The following MAPRE2 variants were observed in gnomAD, a reference collection of about 807,000 sequenced individuals.
MAPRE2 encodes the protein microtubule-associated protein RP/EB family member 2.
Under a neutral mutation model 43.2 loss-of-function variants are expected in MAPRE2, and 13 were observed. The observed-to-expected ratio is 0.30, with a 90% CI of 0.20 to 0.48. The LOEUF is 0.48. Among genes scored for constraint, MAPRE2 ranks in the 20% least tolerant of loss-of-function variants. The pLI is 0.99. For missense variants in MAPRE2, 161 were observed against 400.2 expected (o/e 0.40, Z 5.10); for synonymous variants, 135 against 148.8 (o/e 0.91, Z 0.68).
intron 4 of MAPRE2, among the ~76,000 whole-genome samples, chr18:35,119,253 G>C (rs1909562581): frequency 6.6e-6 from 1 of 152,162 alleles, no homozygotes; most frequent in Non-Finnish European, 1.5e-5. Context: ...CCATGGGTCT[G>C]AGTTGAAAAA....
chr18:35,083,843 AT>A (rs1276120268), intron 2 of MAPRE2, among the ~76,000 whole-genome samples: 1 of 152,198 alleles, frequency 6.6e-6, no homozygotes, highest in African/African-American at 2.4e-5. Context: ...TTTAATAAAA[AT>A]GTTGATACCT....
intron 3 of MAPRE2, among the ~76,000 whole-genome samples, chr18:35,100,121 T>G (rs761338878): frequency 6.6e-6 from 1 of 152,130 alleles, no homozygotes; most frequent in East Asian, 1.9e-4. Flanking sequence ...ATTCACACAC[T>G]CACACACACA....
At chr18:34,987,624 T>G (rs1314725588) in intron 1 of MAPRE2, among the ~76,000 whole-genome samples, 2 of 152,174 alleles carry the variant, frequency 1.3e-5, no homozygotes, top group Admixed American at 1.3e-4. Context: ...TGGCCATTTA[T>G]AATATTATGA....
rs993612373 is a variant in MAPRE2 at position 35,041,433 on chromosome 18, G to C, written c.-107G>C. 1.9e-6 allele frequency: 3 copies of C among 1,578,962 alleles called. No homozygotes were observed. The highest frequency in any genetic ancestry group is 8.6e-7 in the Non-Finnish European group (1 of 1,162,046). ...GCTGGGAGAAGGCAGTGAGCGAGCA[G>C]GCGGCAGGCACGGTCCGTGCGGAGC... On this transcript the variant is annotated 5_prime_UTR_variant, in exon 1 of 7. Coordinates refer to ENST00000300249, the MANE Select transcript of MAPRE2 (RefSeq NM_014268.4).
intron 2 of MAPRE2, among the ~76,000 whole-genome samples, chr18:35,079,573 T>C (rs986435058): frequency 6.6e-6 from 1 of 152,186 alleles, no homozygotes; most frequent in Non-Finnish European, 1.5e-5. Flanking sequence ...TCCTGAACTT[T>C]TTCCATATAG....
At chr18:34,991,731 C>A (rs146802581) in intron 1 of MAPRE2, among the ~76,000 whole-genome samples, 95 of 152,210 alleles carry the variant, frequency 6.2e-4, no homozygotes, top group African/African-American at 2.2e-3. Flanking sequence ...TTTGCCCAGA[C>A]CTGGGACCTT....
At chr18:35,126,228 A>G (rs116822608) in intron 4 of MAPRE2, among the ~76,000 whole-genome samples, 208 of 152,272 alleles carry the variant, frequency 1.4e-3, no homozygotes, top group African/African-American at 4.8e-3. Flanking sequence ...AAATGAAGCT[A>G]TTGTTCTTCC....
rs1165086951 is a variant in MAPRE2, at chr18:35,041,420, C to A, written c.-120C>A. The A allele has an allele frequency of 1.9e-6, 3 of 1,563,078 alleles. No homozygotes were observed. In the East Asian group the frequency reaches 6.8e-5, roughly 35 times the overall value. ...GGCGCGAGCGAGAGCTGGGAGAAGG[C>A]AGTGAGCGAGCAGGCGGCAGGCACG... is the stretch of plus-strand genomic sequence containing the variant. On this transcript the variant is annotated 5_prime_UTR_variant, in exon 1 of 7. Transcript: ENST00000300249.
At chr18:35,063,923 A>G (rs1411344639) in intron 1 of MAPRE2, among the ~76,000 whole-genome samples, 11 of 145,862 alleles carry the variant, frequency 7.5e-5, no homozygotes, top group Non-Finnish European at 1.3e-4. Context: ...GCTTTAGCCC[A>G]GGAGATTGAG....
At chr18:35,109,022 G>T (rs1909047115) in intron 4 of MAPRE2, among the ~76,000 whole-genome samples, 1 of 152,056 alleles carries the variant, frequency 6.6e-6, no homozygotes, top group Non-Finnish European at 1.5e-5. Flanking sequence ...AATTGCTTTT[G>T]GCGTTTTTGT....
intron 1 of MAPRE2, among the ~76,000 whole-genome samples, chr18:35,058,001 G>A (rs753782914): frequency 6.6e-6 from 1 of 152,196 alleles, no homozygotes; most frequent in Non-Finnish European, 1.5e-5. Flanking sequence ...TATATAATTT[G>A]CAGTTTCTTC....
chr18:35,013,991 CTT>C (rs2097036504), intron 2 of MAPRE2, among the ~76,000 whole-genome samples: 1 of 152,072 alleles, frequency 6.6e-6, no homozygotes, highest in African/African-American at 2.4e-5. Flanking sequence ...ACAGATGTCT[CTT>C]TGACATAATG....
chr18:35,077,249 G>GCGCA (rs1907409244), intron 2 of MAPRE2, among the ~76,000 whole-genome samples: 1 of 88,856 alleles, frequency 1.1e-5, no homozygotes, highest in East Asian at 4.9e-4. Context: ...GTGCGCGCGC[G>GCGCA]CACACACACA....
At chr18:35,053,990 C>T (rs1313782966) in intron 1 of MAPRE2, among the ~76,000 whole-genome samples, 1 of 152,132 alleles carries the variant, frequency 6.6e-6, no homozygotes, top group Non-Finnish European at 1.5e-5. Flanking sequence ...ATAAATGTAA[C>T]AAGGAGCCAT....
intron 1 of MAPRE2, 158 bp downstream of exon 1, chr18:35,041,819 A>G (rs1008140983): frequency 2.0e-6 from 3 of 1,466,166 alleles, no homozygotes; most frequent in East Asian, 2.5e-5. Context: ...TCCATGTGTC[A>G]TGTTGGGTTT....
Position 35,015,633 on chromosome 18 carries a change from AGTGTGTGTGTGTGTGTGTGT to A in MAPRE2, c.-8+10107_-8+10126del, listed in dbSNP as rs3082290. On this transcript the variant is annotated intron_variant, in intron 2 of 7. Coordinates refer to the MAPRE2 transcript ENST00000413393. ...GTTGGTGGGTGTGTATAGGGATGGC[AGTGTGTGTGTGTGTGTGTGT>A]GTGTGTGTGTGTGTGTGTGTGTGTG... Among the ~76,000 whole-genome samples, 17 of 134,794 alleles carry A rather than the reference AGTGTGTGTGTGTGTGTGTGT, an allele frequency of 1.3e-4. No individual in the cohort carries two copies. In the South Asian group the frequency reaches 1.5e-3, roughly 12 times the overall value. 88.4% of individuals were successfully genotyped at this position (134,794 alleles called of 152,430 possible).
chr18:34,979,458 T>G (rs185093912), intron 1 of MAPRE2, among the ~76,000 whole-genome samples: 1 of 152,170 alleles, frequency 6.6e-6, no homozygotes, highest in African/African-American at 2.4e-5. Context: ...ATCTACTTGC[T>G]TGCAGGAGCC....
At chr18:35,088,178 T>C (rs1315962399) in intron 2 of MAPRE2, among the ~76,000 whole-genome samples, 1 of 152,126 alleles carries the variant, frequency 6.6e-6, no homozygotes, top group African/African-American at 2.4e-5. Context: ...ACATAAGAGT[T>C]AATAAAACAG....
chr18:35,094,192 T>C (rs898424474), intron 2 of MAPRE2, among the ~76,000 whole-genome samples: 3 of 152,192 alleles, frequency 2.0e-5, no homozygotes, highest in African/African-American at 7.2e-5. Flanking sequence ...ACAATGTATA[T>C]ATGTATTAAA....
Sources: gnomAD v4.1 joint callset for allele counts (sites outside exome capture counted in the v4.1 genomes callset) on GRCh38, gnomAD v4.1.1 for gene constraint, MANE v1.5 for transcripts, NCBI Gene and HGNC (gene_info 2026-07-23, HGNC 2026-07-21) for gene names.